Variants in WASF2 observed in about 807,000 individuals in gnomAD.
WASF2 encodes the protein WASP family member 2.
A neutral mutation model predicts 45.0 loss-of-function variants in WASF2; 14 were observed. The ratio of observed to expected loss-of-function variants is 0.31; its 90% CI spans 0.21 to 0.49. The LOEUF is 0.49. Among genes scored for constraint, WASF2 ranks in the 20% least tolerant of loss-of-function variants. The pLI is 0.99. For missense variants in WASF2, 439 were observed against 636.1 expected (o/e 0.69, Z 3.33); for synonymous variants, 200 against 236.3 (o/e 0.85, Z 1.41).
intron 4 of WASF2, 102 bp downstream of exon 4, chr1:27,418,166 CT>C: frequency 7.4e-7 from 1 of 1,359,730 alleles, no homozygotes; most frequent in Non-Finnish European, 9.9e-7. Flanking sequence ...AGGCAGTAAG[CT>C]TTTAGATACA....
chr1:27,467,600 C>A (rs2017632734), intron 1 of WASF2, among the ~76,000 whole-genome samples: 1 of 150,994 alleles, frequency 6.6e-6, no homozygotes, highest in South Asian at 2.1e-4. Flanking sequence ...CACGCCTAGC[C>A]AAAATAAAGT....
chr1:27,422,449 C>G (rs1039043664), intron 2 of WASF2, among the ~76,000 whole-genome samples: 8 of 151,806 alleles, frequency 5.3e-5, no homozygotes, highest in African/African-American at 1.9e-4. Flanking sequence ...GAAACTCCAT[C>G]TCTACTAAAA....
chr1:27,449,749 T>G (rs530395124), intron 1 of WASF2, among the ~76,000 whole-genome samples: 2 of 152,302 alleles, frequency 1.3e-5, no homozygotes, highest in Admixed American at 1.3e-4. Context: ...GTTCAACCTT[T>G]GTTTTAGAAA....
intron 4 of WASF2, among the ~76,000 whole-genome samples, chr1:27,417,442 G>T (rs985280490): frequency 1.3e-5 from 2 of 152,092 alleles, no homozygotes; most frequent in Non-Finnish European, 2.9e-5. Context: ...TGGTGTCCTT[G>T]AATTTCACGT....
rs565290820 is a variant in WASF2 at position 27,447,577 on chromosome 1, G to T, written c.-43-18644C>A. 3.9e-5 allele frequency among the ~76,000 whole-genome samples: 6 copies of T among 152,296 alleles called. No homozygotes were observed. The South Asian group carries it at 1.2e-3, about 32-fold the overall frequency. On this transcript the variant is annotated intron_variant, in intron 1 of 8. Coordinates refer to ENST00000618852, the MANE Select transcript of WASF2 (RefSeq NM_006990.5). ...TCTGCAGTCATCCAGCCTAACTATGGAAAGTTATTTTGTGGTCCGAAAAGA... is the reference window on the plus strand; with the variant it reads ...TCTGCAGTCATCCAGCCTAACTATGTAAAGTTATTTTGTGGTCCGAAAAGA...
At chr1:27,447,242 C>T (rs1042258256) in intron 1 of WASF2, among the ~76,000 whole-genome samples, 1 of 152,114 alleles carries the variant, frequency 6.6e-6, no homozygotes, top group Non-Finnish European at 1.5e-5. Flanking sequence ...ATGGCAAGAG[C>T]GGCATGAATA....
chr1:27,461,513 T>C (rs1466827741), intron 1 of WASF2, among the ~76,000 whole-genome samples: 1 of 148,574 alleles, frequency 6.7e-6, no homozygotes, highest in Non-Finnish European at 1.5e-5. Flanking sequence ...CCGGCTGGAG[T>C]GCAGTGACGA....
chr1:27,409,648 G>T, intron 8 of WASF2, 44 bp downstream of exon 8: 1 of 1,412,000 alleles, frequency 7.1e-7, no homozygotes, highest in Non-Finnish European at 9.3e-7. Context: ...CCCAGCTTCA[G>T]AAAGACAAGG....
chr1:27,412,566 A>G lies in WASF2; in HGVS notation c.824+6T>C, dbSNP rs1407605699. On this transcript the variant is annotated splice_donor_region_variant and intron_variant, in intron 7 of 8. Coordinates refer to ENST00000618852, the MANE Select transcript of WASF2 (RefSeq NM_006990.5). ...AATAGTGGATGGAGTAGGTACCACC[A>G]TTTACCTGAATTCTGCTGGTGGAGG... The G allele has an allele frequency of 6.2e-7, 1 of 1,614,152 alleles. No homozygotes were observed. Among genetic ancestry groups the G allele is most frequent in the Admixed American group, 1.7e-5 (1 of 60,022 alleles).
chr1:27,440,474 A>C (rs1347276718), intron 1 of WASF2, among the ~76,000 whole-genome samples: 1 of 152,074 alleles, frequency 6.6e-6, no homozygotes, highest in Middle Eastern at 3.4e-3. Context: ...GTGAGCAGTG[A>C]TCACACCACT....
intron 5 of WASF2, among the ~76,000 whole-genome samples, chr1:27,415,224 T>C (rs1199630823): frequency 6.6e-6 from 1 of 152,194 alleles, no homozygotes; most frequent in East Asian, 1.9e-4. Context: ...GATAACTCAT[T>C]CACATTTTTG....
intron 1 of WASF2, among the ~76,000 whole-genome samples, chr1:27,429,914 C>G (rs575441725): frequency 5.3e-5 from 8 of 152,054 alleles, no homozygotes; most frequent in Non-Finnish European, 1.0e-4. Context: ...GTAAACTGTG[C>G]TGTAAGATTC....
chr1:27,479,504 C>T (rs566148389), intron 1 of WASF2, among the ~76,000 whole-genome samples: 439 of 152,262 alleles, frequency 2.9e-3, no homozygotes, highest in Non-Finnish European at 4.2e-3. Context: ...TTCAAATGTT[C>T]CATTATTTAG....
chr1:27,484,341 T>A (rs1400515357), intron 1 of WASF2, among the ~76,000 whole-genome samples: 1 of 152,202 alleles, frequency 6.6e-6, no homozygotes, highest in Non-Finnish European at 1.5e-5. Context: ...CAAATTCATA[T>A]GGCTGGTAAA....
intron 1 of WASF2, among the ~76,000 whole-genome samples, chr1:27,479,704 A>C (rs568885555): frequency 6.6e-6 from 1 of 152,298 alleles, no homozygotes; most frequent in African/African-American, 2.4e-5. Context: ...GTCTCTACTA[A>C]AAATACAAAA....
intron 1 of WASF2, among the ~76,000 whole-genome samples, chr1:27,476,426 G>C (rs1412932119): frequency 6.6e-6 from 1 of 152,118 alleles, no homozygotes; most frequent in Non-Finnish European, 1.5e-5. Flanking sequence ...ATCACCAAGG[G>C]GATGGCCCAA....
intron 2 of WASF2, among the ~76,000 whole-genome samples, chr1:27,420,493 C>T (rs990002249): frequency 1.5e-5 from 2 of 132,476 alleles, no homozygotes; most frequent in Admixed American, 8.1e-5. Flanking sequence ...GTGGTGCATA[C>T]AAATAAATAT....
intron 1 of WASF2, among the ~76,000 whole-genome samples, chr1:27,451,295 G>C (rs1052380105): frequency 1.3e-5 from 2 of 152,122 alleles, no homozygotes; most frequent in Non-Finnish European, 2.9e-5. Context: ...CTCAAGTTGG[G>C]GCAAAGAGGG....
chr1:27,459,146 G>A (rs1199085542), intron 1 of WASF2: 1 of 152,190 alleles, frequency 6.6e-6, no homozygotes, highest in East Asian at 1.9e-4. Flanking sequence ...AAGTTTCAGA[G>A]GCCATTCTCA....
Sources: gnomAD v4.1 joint callset for allele counts (sites outside exome capture counted in the v4.1 genomes callset) on GRCh38, gnomAD v4.1.1 for gene constraint, MANE v1.5 for transcripts, NCBI Gene and HGNC (gene_info 2026-07-23, HGNC 2026-07-21) for gene names.